The following PRKDC variants were observed in gnomAD, a reference collection of about 807,000 sequenced individuals.
PRKDC encodes protein kinase, DNA-activated, catalytic subunit, also known as DNA-dependent protein kinase catalytic subunit.
PRKDC carries 82 observed loss-of-function variants against 486.9 expected under a neutral mutation model. The observed-to-expected ratio is 0.17, with a 90% CI of 0.14 to 0.20. PRKDC has a LOEUF of 0.20. PRKDC is among the 10% of genes least tolerant of loss of function. The pLI is 1.00. For synonymous variants in PRKDC, 1,895 were observed against 1,837.0 expected, an observed-to-expected ratio of 1.03 and a Z score of -0.81; for missense variants, 4,504 against 5,038.2, an observed-to-expected ratio of 0.89 and a Z score of 3.21.
At chr8:47,835,779 T>C (rs551107147) in intron 58 of PRKDC, among the ~76,000 whole-genome samples, 155 of 152,086 alleles carry the variant, frequency 1.0e-3, no homozygotes, top group African/African-American at 3.5e-3. Context: ...GTTTTTTTTT[T>C]TGAGACAGGG....
intron 66 of PRKDC, 83 bp from the exon 67 acceptor site, chr8:47,819,593 G>C (rs2087537055): frequency 1.6e-6 from 1 of 643,572 alleles, no homozygotes; most frequent in South Asian, 3.2e-5. Context: ...GTTTTTAACA[G>C]TACTCTAAAT....
At chr8:47,801,029 G>C (rs2087097894) in intron 70 of PRKDC, 43 bp from the exon 71 acceptor site, 1 of 1,536,290 alleles carries the variant, frequency 6.5e-7, no homozygotes, top group African/African-American at 1.4e-5. Flanking sequence ...TTTTGTATGT[G>C]TGTGTGGAAT....
intron 19 of PRKDC, among the ~76,000 whole-genome samples, chr8:47,928,101 T>A (rs186719503): frequency 6.6e-6 from 1 of 152,240 alleles, no homozygotes; most frequent in Non-Finnish European, 1.5e-5. Flanking sequence ...AAGAATCTAT[T>A]TCATCTTGAG....
intron 51 of PRKDC, among the ~76,000 whole-genome samples, chr8:47,853,290 C>G (rs901782906): frequency 7.9e-5 from 12 of 152,354 alleles, no homozygotes; most frequent in Admixed American, 6.5e-4. Flanking sequence ...CTAAAAGGAG[C>G]CGAGTTCCCA....
At chr8:47,873,477 G>A (rs1349213394) in intron 40 of PRKDC, among the ~76,000 whole-genome samples, 1 of 152,072 alleles carries the variant, frequency 6.6e-6, no homozygotes, top group African/African-American at 2.4e-5. Flanking sequence ...CTGGGAGGCA[G>A]AGGTTGCAGT....
At chr8:47,843,708 A>G (rs1338219509) in intron 54 of PRKDC, among the ~76,000 whole-genome samples, 1 of 152,214 alleles carries the variant, frequency 6.6e-6, no homozygotes, top group Admixed American at 6.5e-5. Flanking sequence ...CTCAGCAGAA[A>G]CCTTAAAAAC....
At chr8:47,800,041 T>C (rs879797399) in intron 71 of PRKDC, among the ~76,000 whole-genome samples, 4 of 152,186 alleles carry the variant, frequency 2.6e-5, no homozygotes, top group Non-Finnish European at 4.4e-5. Context: ...TTCAAATAAA[T>C]AGGAAGCACG....
In PRKDC at chr8:47,893,329, A is replaced by G; in HGVS notation, c.3657T>C (p.Phe1219=). ...KDVLKEEGVS[F]LINTFEGGGC... ...CACCCCCCTCAAAGGTGTTGATGAG[A>G]AAAGAGACACCTTCTTCCTTGAGAA... Residue 1219 remains phenylalanine (F), a synonymous_variant, in exon 31 of 86, where the codon TTT becomes TTC. Coordinates refer to ENST00000314191, the MANE Select transcript of PRKDC (RefSeq NM_006904.7). The G allele has an allele frequency of 6.3e-7, 1 of 1,585,074 alleles. No individual in the cohort carries two copies. The highest frequency in any genetic ancestry group is 8.6e-7 in the Non-Finnish European group (1 of 1,160,346).
At chr8:47,905,853 G>A (rs2089771302) in intron 25 of PRKDC, among the ~76,000 whole-genome samples, 1 of 152,126 alleles carries the variant, frequency 6.6e-6, no homozygotes, top group Admixed American at 6.5e-5. Context: ...AATCCAAGAT[G>A]TCTCCAGGTC....
At position 47,878,167 on chromosome 8, in the gene PRKDC, C is replaced by T. The variant is rs1266468855; in HGVS notation, c.5236-316G>A. Among the ~76,000 whole-genome samples, 8 of 148,532 alleles carry T rather than the reference C, an allele frequency of 5.4e-5. 1 individual carries two copies. In the East Asian group the frequency reaches 6.0e-4, roughly 11 times the overall value. On this transcript the variant is annotated intron_variant, in intron 39 of 85. Transcript: ENST00000314191. Reference sequence around the variant, plus strand: ...TTGCCCAGGCTGGAGTGCAGTGACACGATCTCGGCTCACTGCAAACTCCGC... The same window carrying T: ...TTGCCCAGGCTGGAGTGCAGTGACATGATCTCGGCTCACTGCAAACTCCGC...
chr8:47,934,721 T>C (rs2090318497), intron 14 of PRKDC, among the ~76,000 whole-genome samples: 1 of 152,190 alleles, frequency 6.6e-6, no homozygotes, highest in Non-Finnish European at 1.5e-5. Flanking sequence ...GGAACTAAGA[T>C]ATGCCTCCCT....
chr8:47,907,793 A>G (rs1284020238), intron 25 of PRKDC, among the ~76,000 whole-genome samples: 1 of 152,160 alleles, frequency 6.6e-6, no homozygotes, highest in Non-Finnish European at 1.5e-5. Flanking sequence ...ACATTTAAAT[A>G]TGTGTATATA....
intron 72 of PRKDC, 106 bp from the exon 73 acceptor site, chr8:47,798,503 G>T: frequency 1.7e-6 from 2 of 1,209,716 alleles, no homozygotes; most frequent in Non-Finnish European, 2.2e-6. Context: ...ATTTTGTAGT[G>T]TCATTGTTCT....
At chr8:47,820,987 T>A in intron 65 of PRKDC, 44 bp from the exon 66 acceptor site, 1 of 1,209,488 alleles carries the variant, frequency 8.3e-7, no homozygotes, top group Non-Finnish European at 1.1e-6. Context: ...AAGGCCAATT[T>A]GAGTATGTCT....
At chr8:47,830,771 T>C (rs1184617832) in intron 60 of PRKDC, 35 bp from the exon 61 acceptor site, 27 of 1,613,352 alleles carry the variant, frequency 1.7e-5, no homozygotes, top group Non-Finnish European at 2.2e-5. Flanking sequence ...AAGATGAGCA[T>C]TCTCATTGAA....
chr8:47,952,740 A>C (rs1230587069), intron 7 of PRKDC, among the ~76,000 whole-genome samples: 1 of 152,244 alleles, frequency 6.6e-6, no homozygotes, highest in Non-Finnish European at 1.5e-5. Flanking sequence ...GCAATGGCTC[A>C]TGCCTGTAAT....
chr8:47,848,252 G>A (rs925081884), intron 54 of PRKDC, among the ~76,000 whole-genome samples: 1 of 152,114 alleles, frequency 6.6e-6, no homozygotes, highest in African/African-American at 2.4e-5. Flanking sequence ...GCCCATCAAT[G>A]GTGGACTGGA....
intron 58 of PRKDC, among the ~76,000 whole-genome samples, chr8:47,835,593 G>A (rs2087997934): frequency 8.8e-6 from 1 of 114,088 alleles, no homozygotes; most frequent in Admixed American, 1.3e-4. Flanking sequence ...TCCAGCTCCA[G>A]CCTGGTGACA....
chr8:47,891,493 G>T (rs1315966122), intron 31 of PRKDC, among the ~76,000 whole-genome samples: 1 of 152,166 alleles, frequency 6.6e-6, no homozygotes, highest in African/African-American at 2.4e-5. Flanking sequence ...GGCCGAGGCA[G>T]GCGGATCACG....
Sources: allele counts gnomAD v4.1 joint callset (sites outside exome capture counted in the v4.1 genomes callset), GRCh38; gene constraint gnomAD v4.1.1; transcripts MANE v1.5; gene names NCBI Gene and HGNC (gene_info 2026-07-23, HGNC 2026-07-21).